Variants in TTN observed in about 807,000 individuals in gnomAD.
The protein encoded by TTN is connectin.
TTN carries 1,525 observed loss-of-function variants against 3,223.0 expected under a neutral mutation model. The ratio of observed to expected loss-of-function variants is 0.47; its 90% confidence interval spans 0.45 to 0.49. The LOEUF is 0.49. Among genes scored for constraint, TTN ranks in the 20% least tolerant of loss-of-function variants. The pLI is 0.00. For missense variants in TTN, 40,786 were observed against 43,424.0 expected (o/e 0.94, Z 5.40); for synonymous variants, 14,094 against 15,161.0 (o/e 0.93, Z 5.17).
At chr2:178,801,065 G>T (rs559983321) in intron 3 of TTN, among the ~76,000 whole-genome samples, 5 of 152,264 alleles carry the variant, frequency 3.3e-5, no homozygotes, top group African/African-American at 1.2e-4. Context: ...ATTCCAGTAA[G>T]TTGCATTAAA....
chr2:178,704,619 A>G lies in TTN; in HGVS notation c.29853T>C (p.Ile9951=). The change falls in exon 105 of 363, where the codon ATT becomes ATC. Residue 9951 remains isoleucine (I), a synonymous_variant. Transcript: ENST00000589042. ...CTCTGAGTGTATGTCGGTCACCATC[A>G]ATGCTTATTTCAAATTTATCACTGG... ...LEPSDKFEIS[I]DGDRHTLRVK... 6.2e-7 allele frequency: 1 copy of G among 1,612,766 alleles called. No individual in the cohort carries two copies. Among genetic ancestry groups the G allele is most frequent in the East Asian group, 2.2e-5 (1 of 44,876 alleles).
At position 178,571,411 on chromosome 2, in the gene TTN, T is replaced by C. The variant is rs1308849969; in HGVS notation, c.74721A>G (p.Lys24907=). ...CTGGAGTGCCAGGAGGACCAGGAACTTTGAATGGATATTGGGCTACAGTAG... is the reference window on the plus strand; with the variant it reads ...CTGGAGTGCCAGGAGGACCAGGAACCTTGAATGGATATTGGGCTACAGTAG... ...SEPTVAQYPF[K]VPGPPGTPVV... Residue 24907 remains lysine, a synonymous_variant, in exon 326 of 363, where the codon AAA becomes AAG. Coordinates refer to ENST00000589042, the MANE Select transcript of TTN (RefSeq NM_001267550.2). 6.2e-7 allele frequency: 1 copy of C among 1,613,482 alleles called. No individual in the cohort carries two copies. The highest frequency in any genetic ancestry group is 1.3e-5 in the African/African-American group (1 of 75,012).
At position 178,563,330 on chromosome 2, in the gene TTN, G is replaced by T. The variant is rs1268002707; in HGVS notation, c.82802C>A (p.Pro27601His). 6.2e-7 allele frequency: 1 copy of T among 1,613,600 alleles called. No individual in the cohort carries two copies. The change falls in exon 326 of 363, where the codon CCT becomes CAT. Residue 27601 changes from proline to histidine, a missense_variant. Transcript: ENST00000589042. This position sits in a 1 kb window ranked among gnomAD's most constrained non-coding sequence, Gnocchi z 4.5. The stretch of plus-strand genomic sequence containing the variant: ...GACCTCTACAACATAGCCTTTAACA[G>T]GTGCGCCACCATCATAAATTGGCTT... ...WSKPIYDGGAPVKGYVVEVKE... is the reference protein window; with the variant it reads ...WSKPIYDGGAHVKGYVVEVKE...
At chr2:178,770,798 T>C in intron 34 of TTN, 123 bp from the exon 35 acceptor site, 1 of 1,232,862 alleles carries the variant, frequency 8.1e-7, no homozygotes, top group South Asian at 1.2e-5. Context: ...TTTACAGTTA[T>C]GCAGCACCTC....
chr2:178,644,683 A>T, intron 217 of TTN, 67 bp from the exon 218 acceptor site: 1 of 1,264,734 alleles, frequency 7.9e-7, no homozygotes, highest in Non-Finnish European at 1.1e-6. Flanking sequence ...TTAACTTTCT[A>T]CTCCAAGAAT....
rs878949081 is a variant in TTN at position 178,583,681 on chromosome 2, G to A, written c.65501C>T (p.Ala21834Val). The change falls in exon 312 of 363, where the codon GCT (alanine) becomes GTT (valine). Residue 21834 changes from alanine to valine, a missense_variant. Physicochemically the swap from Ala to Val is moderately conservative, Grantham distance 64 (BLOSUM62 0). Coordinates refer to ENST00000589042, the MANE Select transcript of TTN (RefSeq NM_001267550.2). The stretch of plus-strand genomic sequence containing the variant: ...AATGTTTACCGCGGTCCTGGCAATA[G>A]CTCTAAATTGATACTGAGCTTTCTC... ...LEEKAQYQFRAIARTAVNISP... is the reference protein window; with the variant it reads ...LEEKAQYQFRVIARTAVNISP... The A allele has an allele frequency of 4.3e-6, 7 of 1,612,380 alleles. No individual in the cohort carries two copies. The highest frequency in any genetic ancestry group is 5.9e-6 in the Non-Finnish European group (7 of 1,179,206).
At chr2:178,583,959 C>T (rs1309155736) in intron 311 of TTN, 53 bp from the exon 312 acceptor site, 12 of 1,440,548 alleles carry the variant, frequency 8.3e-6, no homozygotes, top group South Asian at 1.5e-5. Flanking sequence ...GAAGTTTAAA[C>T]TTCCATATTT....
In TTN at chr2:178,677,714, G is replaced by T. The variant is rs758380724; in HGVS notation, c.34198C>A (p.Pro11400Thr). The T allele has an allele frequency of 6.2e-7, 1 of 1,612,648 alleles. No individual in the cohort carries two copies. The highest frequency in any genetic ancestry group is 8.5e-7 in the Non-Finnish European group (1 of 1,179,208). ...TCCTCAGGTACATATTCTTCTTCGG[G>T]AGGAACTTCCTCTTCCTCAGGTGGA... ...EIPPEEEEVPPEEEYVPEEEE... is the reference protein window; with the variant it reads ...EIPPEEEEVPTEEEYVPEEEE... The change falls in exon 146 of 363, where the codon CCC becomes ACC. Residue 11400 changes from proline to threonine, a missense_variant. Physicochemically the swap from Pro to Thr is conservative, Grantham distance 38. Coordinates refer to ENST00000589042, the MANE Select transcript of TTN (RefSeq NM_001267550.2).
rs1708819361 is a variant in TTN, at chr2:178,573,047, A to G, written c.73085T>C (p.Ile24362Thr). 1.9e-6 allele frequency: 3 copies of G among 1,613,084 alleles called. No individual in the cohort carries two copies. The highest frequency in any genetic ancestry group is 1.6e-4 in the Middle Eastern group (1 of 6,074). Residue 24362 changes from isoleucine to threonine, a missense_variant, in exon 326 of 363, where the codon ATT becomes ACT. Coordinates refer to ENST00000589042, the MANE Select transcript of TTN (RefSeq NM_001267550.2). ...CCATTCATCTTCCTCTGGCAGGGCA[A>G]TCTCAACCATATACCCAGTGATTTC... ...GSEITGYMVE[I>T]ALPEEDEWQI... is the part of the protein sequence containing the mutation.
At position 178,713,339 on chromosome 2, in the gene TTN, A is replaced by G. The variant is rs2154296552; in HGVS notation, c.26795T>C (p.Leu8932Ser). Residue 8932 changes from leucine to serine, a missense_variant, in exon 93 of 363, where the codon TTG becomes TCG. Physicochemically the swap from Leu to Ser is moderately radical, Grantham distance 145. Transcript: ENST00000589042. ...GCCGGATAGACCATTTGTCTCTTTC[A>G]ATTTTCTTGTGAATGAAGGAGGAAC... ...RTVPPSFTRK[L>S]KETNGLSGSS... The G allele has an allele frequency of 6.4e-7, 1 of 1,555,656 alleles. No individual in the cohort carries two copies. The highest frequency in any genetic ancestry group is 1.2e-5 in the South Asian group (1 of 84,492).
In TTN at chr2:178,588,519, A is replaced by C. The variant is rs916135524; in HGVS notation, c.63187+19T>G. On this transcript the variant is annotated intron_variant, in intron 304 of 362. Transcript: ENST00000589042. ...GATTAAGAGTTGCTGTAATATCAGAAAAAACAAGGACATCCTACCTATGGG... is the reference window on the plus strand; with the variant it reads ...GATTAAGAGTTGCTGTAATATCAGACAAAACAAGGACATCCTACCTATGGG... 7 of 1,509,658 alleles carry C rather than the reference A, an allele frequency of 4.6e-6. No homozygotes were observed. The Admixed American group carries it at 9.4e-5, about 20-fold the overall frequency. The allele number at this position is 1,509,658 out of a possible 1,614,324, so 93.5% of individuals were successfully genotyped here.
chr2:178,551,895 A>G lies in TTN; in HGVS notation c.91005T>C (p.Asn30335=). The G allele has an allele frequency of 1.2e-6, 2 of 1,613,916 alleles. No homozygotes were observed. Among genetic ancestry groups the G allele is most frequent in the Non-Finnish European group, 8.5e-7 (1 of 1,179,820 alleles). Residue 30335 remains asparagine (N), a synonymous_variant, in exon 335 of 363, where the codon AAT becomes AAC. Coordinates refer to ENST00000589042, the MANE Select transcript of TTN (RefSeq NM_001267550.2). ...PGPPGKPVIY[N]VTSDGMSLTW... is the part of the protein sequence containing the mutation. ...TTAGTGACATGCCATCAGAAGTCAC[A>G]TTGTATATAACTGGCTTTCCTGGGG... is the stretch of plus-strand genomic sequence containing the variant.
chr2:178,677,940 G>A, intron 145 of TTN, 23 bp from the exon 146 acceptor site: 2 of 1,573,026 alleles, frequency 1.3e-6, no homozygotes, highest in South Asian at 2.4e-5. Flanking sequence ...TTATTCAAGG[G>A]TACAAACATC....
Position 178,650,824 on chromosome 2 carries a change from C to A in TTN, c.39636G>T (p.Val13212=). The A allele has an allele frequency of 6.2e-7, 1 of 1,604,010 alleles. No homozygotes were observed. Among genetic ancestry groups the A allele is most frequent in the Non-Finnish European group, 8.5e-7 (1 of 1,174,842 alleles). ...TCTCTTCCAAGACAGGTTTCTTTGG[C>A]ACTTCTGGCACTTTAAAGATATTAA... ...PEVPPAKVPE[V]PKKPVLEEKP... is the part of the protein sequence containing the mutation. Residue 13212 remains valine (V), a synonymous_variant, in exon 209 of 363, where the codon GTG becomes GTT. Transcript: ENST00000589042.
chr2:178,641,513 G>C (rs2061231751), intron 219 of TTN, 198 bp from the exon 220 acceptor site: 1 of 382,378 alleles, frequency 2.6e-6, no homozygotes, highest in African/African-American at 2.1e-5. Flanking sequence ...AATTATAATA[G>C]CACTCAAAGT....
intron 348 of TTN, 43 bp downstream of exon 348, chr2:178,542,619 G>T (rs769263599): frequency 6.3e-7 from 1 of 1,597,724 alleles, no homozygotes; most frequent in South Asian, 1.1e-5. Context: ...AAAATTGGGT[G>T]ACTGAACATC....
At chr2:178,748,524 CTAT>C in intron 47 of TTN, 3 of 1,613,016 alleles carry the variant, frequency 1.9e-6, no homozygotes, top group Non-Finnish European at 2.5e-6. Flanking sequence ...GCTGGATCTC[CTAT>C]ATGAGAATAC....
rs771965424 is a variant in TTN, at chr2:178,565,793, G to A, written c.80339C>T (p.Pro26780Leu). The change falls in exon 326 of 363, where the codon CCT (proline) becomes CTT (leucine). Residue 26780 changes from proline to leucine, a missense_variant. Pro to Leu is a moderately conservative substitution (Grantham distance 98). Coordinates refer to ENST00000589042, the MANE Select transcript of TTN (RefSeq NM_001267550.2). ...TGTAACCTTTCCTGGTGGGGAAGGAGGTTCAGCAGCTTTCACGGCATCAAC... is the reference window on the plus strand; with the variant it reads ...TGTAACCTTTCCTGGTGGGGAAGGAAGTTCAGCAGCTTTCACGGCATCAAC... ...ETVDAVKAAE[P>L]PSPPGKVTLT... 1.2e-6 allele frequency: 2 copies of A among 1,613,616 alleles called. No homozygotes were observed. Among genetic ancestry groups the A allele is most frequent in the South Asian group, 1.1e-5 (1 of 91,076 alleles).
In TTN at chr2:178,573,252, C is replaced by T. The variant is rs1708891748; in HGVS notation, c.72880G>A (p.Glu24294Lys). The change falls in exon 326 of 363, where the codon GAG (glutamate) becomes AAG (lysine). Residue 24294 changes from glutamate (E) to lysine (K), a missense_variant. Transcript: ENST00000589042. ...GCATTTTCAGCCATAATCCTGAACTCATATTCATGTCCTTCTGTCAGTCCA... is the reference window on the plus strand; with the variant it reads ...GCATTTTCAGCCATAATCCTGAACTTATATTCATGTCCTTCTGTCAGTCCA... ...VSGLTEGHEYEFRIMAENAAG... is the reference protein window; with the variant it reads ...VSGLTEGHEYKFRIMAENAAG... The T allele has an allele frequency of 6.2e-7, 1 of 1,606,276 alleles. No individual in the cohort carries two copies. Among genetic ancestry groups the T allele is most frequent in the Non-Finnish European group, 8.5e-7 (1 of 1,175,522 alleles).
Sources: gnomAD v4.1 joint callset for allele counts (sites outside exome capture counted in the v4.1 genomes callset) on GRCh38, gnomAD v4.1.1 for gene constraint, Gnocchi (gnomAD v3.1) non-coding constraint, MANE v1.5 for transcripts, NCBI Gene and HGNC (gene_info 2026-07-23, HGNC 2026-07-21) for gene names.